SETBP1: variants seen among roughly 807,000 people sequenced by gnomAD.
SETBP1 encodes SET-binding protein.
SETBP1 carries 9 observed loss-of-function variants against 101.0 expected under a neutral mutation model. The observed-to-expected ratio is 0.09, with a 90% CI of 0.05 to 0.16. The LOEUF (loss-of-function observed/expected upper bound fraction) is 0.16, where lower values mean the gene tolerates loss of function less well. SETBP1 is among the 10% of genes least tolerant of loss of function. The probability of loss-of-function intolerance (pLI) is 1.00; values close to 1 mark genes in which losing one functional copy is unlikely to be tolerated. For missense variants in SETBP1, 1,858 were observed against 2,033.8 expected (o/e 0.91, Z 1.66); for synonymous variants, 818 against 788.5 (o/e 1.04, Z -0.63).
At chr18:44,821,977 G>T (rs2072122846) in intron 2 of SETBP1, among the ~76,000 whole-genome samples, 1 of 152,214 alleles carries the variant, frequency 6.6e-6, no homozygotes, top group Non-Finnish European at 1.5e-5. Flanking sequence ...AGGGGCTGGG[G>T]TTCTCTGAAG....
At chr18:45,045,854 C>A (rs945394157) in intron 5 of SETBP1, among the ~76,000 whole-genome samples, 2 of 152,068 alleles carry the variant, frequency 1.3e-5, no homozygotes, top group African/African-American at 4.8e-5. Context: ...TTTGCTGCTG[C>A]TATTGTTGAT....
intron 3 of SETBP1, among the ~76,000 whole-genome samples, chr18:44,934,204 A>G (rs1256495034): frequency 6.7e-6 from 1 of 148,468 alleles, no homozygotes; most frequent in Admixed American, 6.7e-5. Context: ...GGTGGAGTGC[A>G]GTGGTGCAAT....
intron 1 of SETBP1, among the ~76,000 whole-genome samples, chr18:44,700,855 A>T (rs117662629): frequency 6.6e-6 from 1 of 152,210 alleles, no homozygotes; most frequent in East Asian, 1.9e-4. Flanking sequence ...TTTAACAGTG[A>T]CTCAGCCAGC....
At chr18:44,786,158 A>T (rs1256063604) in intron 2 of SETBP1, among the ~76,000 whole-genome samples, 1 of 152,172 alleles carries the variant, frequency 6.6e-6, no homozygotes, top group Non-Finnish European at 1.5e-5. Context: ...CTTCCTGTCT[A>T]TGACAGAGAA....
rs534639826 is a variant in SETBP1 at position 44,799,537 on chromosome 18, G to A, written c.487-69693G>A. Among the ~76,000 whole-genome samples, 47 of 152,298 alleles carry A rather than the reference G, an allele frequency of 3.1e-4. No homozygotes were observed. The South Asian group carries it at 8.9e-3, about 29-fold the overall frequency. ...AATGATGTCTCTCTACCTCCAGGTT[G>A]TGAGCTGGGTGTAGGGAAACCACAA... On this transcript the variant is annotated intron_variant, in intron 2 of 5. Coordinates refer to ENST00000649279, the MANE Select transcript of SETBP1 (RefSeq NM_015559.3).
chr18:44,683,280 C>T (rs2068788588), intron 1 of SETBP1, among the ~76,000 whole-genome samples: 1 of 152,160 alleles, frequency 6.6e-6, no homozygotes, highest in African/African-American at 2.4e-5. Flanking sequence ...GCCCCTGCTG[C>T]CATAAGGGCT....
intron 3 of SETBP1, among the ~76,000 whole-genome samples, chr18:44,946,221 C>G (rs1379310683): frequency 6.6e-6 from 1 of 152,156 alleles, no homozygotes; most frequent in East Asian, 1.9e-4. Context: ...CTTTTGTCCA[C>G]CCTGCACTTT....
chr18:44,932,776 TGGTCATTTAAGGACTCCTCA>T (rs1287705566), intron 3 of SETBP1, among the ~76,000 whole-genome samples: 18 of 152,244 alleles, frequency 1.2e-4, no homozygotes, highest in African/African-American at 4.1e-4. Flanking sequence ...TCTCGTGCCA[TGGTCATTTAAGGACTCCTCA>T]GGTCATTTAA....
intron 4 of SETBP1, among the ~76,000 whole-genome samples, chr18:45,001,373 A>G (rs955182091): frequency 1.3e-5 from 2 of 152,222 alleles, no homozygotes; most frequent in African/African-American, 4.8e-5. Flanking sequence ...AATGCACAAT[A>G]AATGTTAGTT....
At position 44,850,591 on chromosome 18, in the gene SETBP1, G is replaced by A. The variant is rs541291844; in HGVS notation, c.487-18639G>A. On this transcript the variant is annotated intron_variant, in intron 2 of 5. Transcript: ENST00000649279. ...TCACCATATTGGTCAGGCTGGTCTC[G>A]AACTCCTAACCTCAGGTGATCTGCC... 1.4e-4 allele frequency among the ~76,000 whole-genome samples: 22 copies of A among 151,972 alleles called. No homozygotes were observed. In the East Asian group the frequency reaches 3.1e-3, roughly 22 times the overall value.
chr18:44,892,252 G>A (rs79223612), intron 3 of SETBP1, among the ~76,000 whole-genome samples: 372 of 152,266 alleles, frequency 2.4e-3, no homozygotes, highest in East Asian at 0.019. Context: ...ATGAGAAGTT[G>A]CACAAAGGCC....
At chr18:44,877,532 G>C in intron 3 of SETBP1, 1 of 195,268 alleles carries the variant, frequency 5.1e-6, no homozygotes, top group Non-Finnish European at 9.3e-6. Context: ...CTACTTTTAG[G>C]ATAACTGCAC....
At chr18:44,828,689 C>G (rs1002382672) in intron 2 of SETBP1, among the ~76,000 whole-genome samples, 1 of 152,074 alleles carries the variant, frequency 6.6e-6, no homozygotes, top group Non-Finnish European at 1.5e-5. Flanking sequence ...TCCCTTCCAC[C>G]CAAATGTAGA....
At chr18:44,941,881 C>G (rs2145050800) in intron 3 of SETBP1, among the ~76,000 whole-genome samples, 1 of 151,916 alleles carries the variant, frequency 6.6e-6, no homozygotes, top group South Asian at 2.1e-4. Context: ...TGTATCTTTT[C>G]TTTTAAATAC....
At chr18:44,788,805 T>G in intron 2 of SETBP1, among the ~76,000 whole-genome samples, 1 of 143,322 alleles carries the variant, frequency 7.0e-6, no homozygotes. Context: ...TTTTTTTTTT[T>G]TTTTTTTTTG....
At chr18:45,048,938 G>A (rs907288060) in intron 5 of SETBP1, among the ~76,000 whole-genome samples, 1 of 123,222 alleles carries the variant, frequency 8.1e-6, no homozygotes, top group Admixed American at 1.1e-4. Context: ...CGCCACTGCA[G>A]TCCGCAGTCC....
At chr18:45,057,396 A>G (rs1471963509) in intron 5 of SETBP1, among the ~76,000 whole-genome samples, 1 of 152,074 alleles carries the variant, frequency 6.6e-6, no homozygotes, top group Non-Finnish European at 1.5e-5. Context: ...AAAATGCAGG[A>G]TTTACATTAG....
chr18:45,036,090 T>G (rs1440880237), intron 4 of SETBP1, among the ~76,000 whole-genome samples: 1 of 152,074 alleles, frequency 6.6e-6, no homozygotes, highest in East Asian at 1.9e-4. Flanking sequence ...TCTCAACACT[T>G]TTGGAGGCCG....
At chr18:45,015,942 A>G (rs1274450159) in intron 4 of SETBP1, among the ~76,000 whole-genome samples, 1 of 152,228 alleles carries the variant, frequency 6.6e-6, no homozygotes, top group Non-Finnish European at 1.5e-5. Flanking sequence ...TTACCATATG[A>G]GAAGAAGTAT....
Sources: gnomAD v4.1 joint callset for allele counts (sites outside exome capture counted in the v4.1 genomes callset) on GRCh38, gnomAD v4.1.1 for gene constraint, MANE v1.5 for transcripts, NCBI Gene and HGNC (gene_info 2026-07-23, HGNC 2026-07-21) for gene names.